VIRMA: variants seen among roughly 807,000 people sequenced by gnomAD.
The protein encoded by VIRMA is protein virilizer homolog.
VIRMA carries 65 observed loss-of-function variants against 182.4 expected under a neutral mutation model. The observed-to-expected ratio is 0.36, with a 90% CI of 0.29 to 0.44. The LOEUF is 0.44. Ranked by LOEUF, VIRMA falls within the 20% of genes least tolerant of loss-of-function variation. VIRMA has a pLI of 1.00. For synonymous variants in VIRMA, 709 were observed against 743.1 expected, an observed-to-expected ratio of 0.95 and a Z score of 0.75; for missense variants, 1,752 against 2,158.1, an observed-to-expected ratio of 0.81 and a Z score of 3.73.
Position 94,534,994 on chromosome 8 carries a change from C to A in VIRMA, c.329G>T (p.Gly110Val). 6.3e-7 allele frequency: 1 copy of A among 1,596,724 alleles called. No individual in the cohort carries two copies. The highest frequency in any genetic ancestry group is 8.5e-7 in the Non-Finnish European group (1 of 1,175,332). The change falls in exon 5 of 24, where the codon GGT (glycine) becomes GTT (valine). Residue 110 changes from glycine to valine, a missense_variant. Around this residue, in one of 11 missense-constraint regions of VIRMA, gnomAD observed 195 missense variants for 191.7 expected, o/e 1.02. Transcript: ENST00000297591. Reference sequence around the variant, plus strand: ...GTTATACCAGCCTCTTAGCACCAGACCATCAGTATTCACCTGATTTTCAGG... The same window carrying A: ...GTTATACCAGCCTCTTAGCACCAGAACATCAGTATTCACCTGATTTTCAGG... Reference protein sequence around the residue: ...FRPNSKVNTDGLVLRGWYNCL... With the variant: ...FRPNSKVNTDVLVLRGWYNCL...
rs1012770802 is a variant in VIRMA, at chr8:94,488,093, T to G, written c.*613A>C. On this transcript the variant is annotated 3_prime_UTR_variant, in exon 24 of 24. Coordinates refer to ENST00000297591, the MANE Select transcript of VIRMA (RefSeq NM_015496.5). ...AACACCTGTTGGACATCACATAAACTACTACTTTGAGGTAGTTTACATTTT... is the reference window on the plus strand; with the variant it reads ...AACACCTGTTGGACATCACATAAACGACTACTTTGAGGTAGTTTACATTTT... 1.3e-5 allele frequency: 2 copies of G among 152,248 alleles called. No homozygotes were observed. Among genetic ancestry groups the G allele is most frequent in the Admixed American group, 6.5e-5 (1 of 15,270 alleles). 9.4% of individuals were successfully genotyped at this position (152,248 alleles called of 1,614,324 possible).
In VIRMA at chr8:94,519,403, C is replaced by T. The variant is rs1241660655; in HGVS notation, c.2095G>A (p.Gly699Ser). Residue 699 changes from glycine (G) to serine (S), a missense_variant, in exon 9 of 24, where the codon GGT becomes AGT. Physicochemically the swap from Gly to Ser is moderately conservative, Grantham distance 56. Coordinates refer to ENST00000297591, the MANE Select transcript of VIRMA (RefSeq NM_015496.5). The stretch of plus-strand genomic sequence containing the variant: ...ACATCTTTTGTGGCTTGCAGCACAC[C>T]AGGGTGAGCACTTGTTACTGGAATT... ...LSIPVTSAHP[G>S]VLQATKDVLK... 2 of 1,546,248 alleles carry T rather than the reference C, an allele frequency of 1.3e-6. No homozygotes were observed. Among genetic ancestry groups the T allele is most frequent in the Non-Finnish European group, 1.7e-6 (2 of 1,152,168 alleles).
In VIRMA at chr8:94,526,971, G is replaced by C; in HGVS notation, c.1273C>G (p.Gln425Glu). The change falls in exon 8 of 24, where the codon CAA (glutamine) becomes GAA (glutamate). Residue 425 changes from glutamine (Q) to glutamate (E), a missense_variant. Gln to Glu is a conservative substitution (Grantham distance 29). This residue lies in a region of VIRMA where 401 missense variants were observed against 455.1 expected (regional missense o/e 0.88). Transcript: ENST00000297591. ...TCTACCAACTGGCCAAGGGAGTCTT[G>C]TTTTGTGTTTTTCAATTGCAAATAG... is the stretch of plus-strand genomic sequence containing the variant. ...LSYLQLKNTK[Q>E]DSLGQLVDWT... 2 of 1,614,166 alleles carry C rather than the reference G, an allele frequency of 1.2e-6. No homozygotes were observed. Among genetic ancestry groups the C allele is most frequent in the Non-Finnish European group, 1.7e-6 (2 of 1,179,996 alleles).
intron 8 of VIRMA, 23 bp downstream of exon 8, chr8:94,526,200 C>T: frequency 6.5e-7 from 1 of 1,530,174 alleles, no homozygotes; most frequent in Non-Finnish European, 8.8e-7. Context: ...AAATTTATTT[C>T]CCAAAAGGCA....
chr8:94,546,789 C>A, intron 1 of VIRMA: 2 of 376,860 alleles, frequency 5.3e-6, no homozygotes, highest in Admixed American at 3.3e-5. Flanking sequence ...TTCTTTCTTG[C>A]CTCCCATCAA....
chr8:94,491,004 A>G (rs539163778), intron 22 of VIRMA, among the ~76,000 whole-genome samples: 2 of 152,100 alleles, frequency 1.3e-5, no homozygotes, highest in African/African-American at 4.8e-5. Context: ...CAGAAAATGT[A>G]TAATTCTCAA....
At chr8:94,505,613 G>A (rs1036676035) in intron 16 of VIRMA, among the ~76,000 whole-genome samples, 1 of 152,090 alleles carries the variant, frequency 6.6e-6, no homozygotes, top group African/African-American at 2.4e-5. Flanking sequence ...TTCCCAAGTA[G>A]TTGGGACTAC....
chr8:94,553,311 G>A (rs750446847), intron 1 of VIRMA, 74 bp downstream of exon 1: 5 of 1,428,544 alleles, frequency 3.5e-6, no homozygotes, highest in African/African-American at 1.4e-5. Context: ...AGGAAAAGTG[G>A]AGAACGCCTA....
At chr8:94,489,691 AAT>A (rs985403409) in intron 23 of VIRMA, among the ~76,000 whole-genome samples, 1 of 151,980 alleles carries the variant, frequency 6.6e-6, no homozygotes, top group Non-Finnish European at 1.5e-5. Context: ...CACATTATAT[AAT>A]ATATATATAA....
chr8:94,543,023 C>T (rs1456464644), intron 2 of VIRMA, among the ~76,000 whole-genome samples: 4 of 152,068 alleles, frequency 2.6e-5, no homozygotes, highest in Non-Finnish European at 4.4e-5. Context: ...ATTCTCCTGC[C>T]TCAGCCTCCC....
chr8:94,499,498 C>T lies in VIRMA; in HGVS notation c.4106G>A (p.Arg1369Lys). ...YGLFHLKSSL[R>K]KNSSALHSLL... ...ACTATGCAGAGCACTACTGTTTTTCCTTAAAGAACTGTAAATAAAGAAAAT... is the reference window on the plus strand; with the variant it reads ...ACTATGCAGAGCACTACTGTTTTTCTTTAAAGAACTGTAAATAAAGAAAAT... The change falls in exon 17 of 24, where the codon AGG (arginine) becomes AAG (lysine). Residue 1369 changes from arginine (R) to lysine (K), a missense_variant. Transcript: ENST00000297591. The T allele has an allele frequency of 1.3e-6, 2 of 1,505,160 alleles. No individual in the cohort carries two copies. The highest frequency in any genetic ancestry group is 1.8e-6 in the Non-Finnish European group (2 of 1,093,204). 93.2% of individuals were successfully genotyped at this position (1,505,160 alleles called of 1,614,324 possible).
In VIRMA at chr8:94,488,811, A is replaced by C. The variant is rs1210782684; in HGVS notation, c.5334T>G (p.Leu1778=). Residue 1778 remains leucine (L), a synonymous_variant, in exon 24 of 24, where the codon CTT becomes CTG. Transcript: ENST00000297591. ...RDRASRGRGG[L]GPSWASANSG... ...TATTTGCACTAGCCCAGGAAGGTCC[A>C]AGTCCCCCACGACCTCTAGAAGCAC... 1 of 1,614,216 alleles carries C rather than the reference A, an allele frequency of 6.2e-7. No individual in the cohort carries two copies. The highest frequency in any genetic ancestry group is 1.3e-5 in the African/African-American group (1 of 75,060).
At chr8:94,547,409 C>T (rs1815806442) in intron 1 of VIRMA, among the ~76,000 whole-genome samples, 1 of 151,030 alleles carries the variant, frequency 6.6e-6, no homozygotes, top group African/African-American at 2.5e-5. Context: ...GAGTCATTTA[C>T]CTGCATGTTT....
intron 1 of VIRMA, among the ~76,000 whole-genome samples, chr8:94,550,059 T>C (rs1815921141): frequency 6.7e-6 from 1 of 148,354 alleles, no homozygotes; most frequent in Non-Finnish European, 1.5e-5. Context: ...ATCGCACCAG[T>C]GCACTCCAGC....
At chr8:94,549,362 C>T (rs946885220) in intron 1 of VIRMA, among the ~76,000 whole-genome samples, 74 of 152,172 alleles carry the variant, frequency 4.9e-4, no homozygotes, top group South Asian at 2.1e-4. Flanking sequence ...TTTGTTCTGA[C>T]TTGTATTGCC....
At chr8:94,551,802 GCAGCCT>G (rs1397274525) in intron 1 of VIRMA, among the ~76,000 whole-genome samples, 1 of 152,098 alleles carries the variant, frequency 6.6e-6, no homozygotes, top group Non-Finnish European at 1.5e-5. Flanking sequence ...TTAGCTCACT[GCAGCCT>G]TGAACTCCCA....
chr8:94,495,986 A>G, intron 18 of VIRMA, 95 bp from the exon 19 acceptor site: 1 of 1,107,848 alleles, frequency 9.0e-7, no homozygotes, highest in Non-Finnish European at 1.3e-6. Context: ...ATGTATTATT[A>G]CTAAGAAATT....
At chr8:94,515,471 A>C (rs1029998734) in intron 10 of VIRMA, among the ~76,000 whole-genome samples, 1 of 149,968 alleles carries the variant, frequency 6.7e-6, no homozygotes, top group African/African-American at 2.5e-5. Context: ...TCCTCAACTC[A>C]ATCAATCCTC....
chr8:94,540,799 G>C (rs1459904298), intron 2 of VIRMA, among the ~76,000 whole-genome samples: 1 of 151,886 alleles, frequency 6.6e-6, no homozygotes, highest in African/African-American at 2.4e-5. Flanking sequence ...TTGGACTTCA[G>C]TATCTCAAGA....
Sources: allele counts gnomAD v4.1 joint callset (sites outside exome capture counted in the v4.1 genomes callset), GRCh38; gene constraint gnomAD v4.1.1; regional missense constraint gnomAD v4.1.1; transcripts MANE v1.5; gene names NCBI Gene and HGNC (gene_info 2026-07-23, HGNC 2026-07-21).